The following MYO3B variants were observed in gnomAD, a reference collection of about 807,000 sequenced individuals.
MYO3B encodes myosin IIIB, also known as myosin-IIIb.
MYO3B carries 156 observed loss-of-function variants against 174.6 expected under a neutral mutation model. That is an observed-to-expected ratio of 0.89 (90% confidence interval 0.78 to 1.02). The LOEUF (loss-of-function observed/expected upper bound fraction) is 1.02, where lower values mean the gene tolerates loss of function less well. MYO3B is among the 50% of genes least tolerant of loss of function. The probability of loss-of-function intolerance (pLI) is 0.00; values close to 1 mark genes in which losing one functional copy is unlikely to be tolerated. For synonymous variants in MYO3B, 563 were observed against 569.1 expected (o/e 0.99, Z 0.15); for missense variants, 1,632 against 1,639.4 (o/e 1.00, Z 0.08).
At chr2:170,398,449 A>G (rs1351644983) in intron 16 of MYO3B, among the ~76,000 whole-genome samples, 1 of 152,034 alleles carries the variant, frequency 6.6e-6, no homozygotes, top group Non-Finnish European at 1.5e-5. Flanking sequence ...TTAATCATTG[A>G]CCATTAGTGA....
chr2:170,567,831 A>G (rs1692170388), intron 32 of MYO3B, among the ~76,000 whole-genome samples: 1 of 152,246 alleles, frequency 6.6e-6, no homozygotes, highest in South Asian at 2.1e-4. Context: ...AAATTTAGAC[A>G]TGGGATGGTG....
intron 25 of MYO3B, among the ~76,000 whole-genome samples, chr2:170,470,747 T>C (rs1684933453): frequency 1.3e-5 from 2 of 152,204 alleles, no homozygotes; most frequent in African/African-American, 4.8e-5. Flanking sequence ...TTATTGTTTG[T>C]CTTTTTTATT....
intron 32 of MYO3B, among the ~76,000 whole-genome samples, chr2:170,576,193 C>T (rs947417794): frequency 1.3e-5 from 2 of 152,212 alleles, no homozygotes; most frequent in African/African-American, 4.8e-5. Flanking sequence ...GCAGCTACCA[C>T]TCCTAAAGGC....
At chr2:170,494,953 A>G (rs542314428) in intron 25 of MYO3B, among the ~76,000 whole-genome samples, 5 of 152,072 alleles carry the variant, frequency 3.3e-5, no homozygotes, top group African/African-American at 4.8e-5. Flanking sequence ...ACCTGTGGAA[A>G]GTTAGGTACA....
At chr2:170,384,400 T>C (rs1037258018) in intron 12 of MYO3B, among the ~76,000 whole-genome samples, 2 of 152,196 alleles carry the variant, frequency 1.3e-5, no homozygotes, top group African/African-American at 4.8e-5. Context: ...TCATCCCTTC[T>C]TTACTTTCAA....
intron 7 of MYO3B, among the ~76,000 whole-genome samples, chr2:170,325,406 C>G (rs112153488): frequency 0.28 from 41,989 of 151,986 alleles, 6,304 homozygotes; most frequent in South Asian, 0.38. Flanking sequence ...CGGGGTTTCA[C>G]CATGTTGACC....
At chr2:170,210,396 CAT>C (rs1194217700) in intron 3 of MYO3B, among the ~76,000 whole-genome samples, 1 of 152,184 alleles carries the variant, frequency 6.6e-6, no homozygotes, top group African/African-American at 2.4e-5. Context: ...ACTAAAAACA[CAT>C]CTTACTGTTC....
chr2:170,384,989 T>C (rs2105746236), intron 12 of MYO3B, among the ~76,000 whole-genome samples: 1 of 152,286 alleles, frequency 6.6e-6, no homozygotes, highest in Admixed American at 6.5e-5. Flanking sequence ...TCTCTTTAGG[T>C]TTGATAATTC....
At chr2:170,607,183 A>ATAGTTTGT (rs1202342086) in intron 32 of MYO3B, among the ~76,000 whole-genome samples, 2 of 152,230 alleles carry the variant, frequency 1.3e-5, no homozygotes, top group Non-Finnish European at 2.9e-5. Flanking sequence ...TTGCTATTAG[A>ATAGTTTGT]TAGTTTGTTA....
At chr2:170,352,189 G>A (rs1022144973) in intron 8 of MYO3B, among the ~76,000 whole-genome samples, 1 of 152,128 alleles carries the variant, frequency 6.6e-6, no homozygotes, top group Admixed American at 6.5e-5. Context: ...CTGACCTCAG[G>A]TGACCCGCCC....
At chr2:170,505,662 T>A (rs974145160) in intron 28 of MYO3B, among the ~76,000 whole-genome samples, 12 of 152,266 alleles carry the variant, frequency 7.9e-5, no homozygotes, top group African/African-American at 2.9e-4. Context: ...TCATTAATTT[T>A]TCTAAAGCTC....
chr2:170,214,334 C>T (rs753149564), intron 3 of MYO3B, 45 bp from the exon 4 acceptor site: 25 of 1,477,632 alleles, frequency 1.7e-5, no homozygotes, highest in Non-Finnish European at 8.4e-6. Flanking sequence ...TTCTTTTTCA[C>T]ATGTGGTCTC....
chr2:170,402,989 T>G lies in MYO3B; in HGVS notation c.2271T>G (p.Leu757=). 1 of 1,599,494 alleles carries G rather than the reference T, an allele frequency of 6.3e-7. No homozygotes were observed. Among genetic ancestry groups the G allele is most frequent in the Non-Finnish European group, 8.6e-7 (1 of 1,168,686 alleles). Residue 757 remains leucine, a synonymous_variant, in exon 19 of 35, where the codon CTT becomes CTG. Transcript: ENST00000408978. ...ATTTCAATCAGCATGTTTTTGCTCT[T>G]GAGCAGGTAATAGTGAACTCTGAGG... ...QYYFNQHVFA[L]EQMEYQNEGI... is the part of the protein sequence containing the mutation.
chr2:170,372,165 AAT>A (rs1558934621), intron 9 of MYO3B, among the ~76,000 whole-genome samples: 10 of 150,782 alleles, frequency 6.6e-5, no homozygotes, highest in Non-Finnish European at 1.2e-4. Flanking sequence ...CAAAGAAAAA[AAT>A]CTATTGCTCT....
At chr2:170,475,759 G>T (rs1023745815) in intron 25 of MYO3B, among the ~76,000 whole-genome samples, 1 of 152,180 alleles carries the variant, frequency 6.6e-6, no homozygotes, top group African/African-American at 2.4e-5. Flanking sequence ...CCTCTTCTTC[G>T]TTGTCTATGG....
intron 18 of MYO3B, 75 bp from the exon 19 acceptor site, chr2:170,402,773 T>G (rs2094486121): frequency 1.4e-6 from 2 of 1,395,884 alleles, no homozygotes; most frequent in Non-Finnish European, 1.9e-6. Context: ...GATAAGCACT[T>G]GGGCACATAT....
intron 25 of MYO3B, among the ~76,000 whole-genome samples, chr2:170,481,404 G>A (rs1193179426): frequency 7.2e-5 from 11 of 152,068 alleles, no homozygotes; most frequent in Admixed American, 7.2e-4. Flanking sequence ...TGGCAACTTG[G>A]CAAAACCCTA....
intron 27 of MYO3B, among the ~76,000 whole-genome samples, chr2:170,500,420 G>A (rs1381557851): frequency 6.6e-6 from 1 of 152,200 alleles, no homozygotes; most frequent in Admixed American, 6.5e-5. Context: ...TCTCCTGGTT[G>A]AGGAGATATC....
intron 1 of MYO3B, among the ~76,000 whole-genome samples, chr2:170,195,198 C>A (rs929930173): frequency 6.6e-6 from 1 of 151,948 alleles, no homozygotes; most frequent in Non-Finnish European, 1.5e-5. Flanking sequence ...AAAGACCCCA[C>A]CCACAGGCAT....
Sources: gnomAD v4.1 joint callset for allele counts (sites outside exome capture counted in the v4.1 genomes callset) on GRCh38, gnomAD v4.1.1 for gene constraint, MANE v1.5 for transcripts, NCBI Gene and HGNC (gene_info 2026-07-23, HGNC 2026-07-21) for gene names.